BMP5: variants seen among roughly 807,000 people sequenced by gnomAD.
BMP5 encodes bone morphogenetic protein 5.
In BMP5, 23 loss-of-function variants were observed where a neutral mutation model predicts 46.6. That is an observed-to-expected ratio of 0.49 (90% CI 0.35 to 0.70). The LOEUF is 0.70. Among genes scored for constraint, BMP5 ranks in the 30% least tolerant of loss-of-function variants. The pLI is 0.00. For missense variants in BMP5, 545 were observed against 565.6 expected (o/e 0.96, Z 0.37); for synonymous variants, 204 against 191.9 (o/e 1.06, Z -0.52).
At position 55,874,357 on chromosome 6, in the gene BMP5, A is replaced by C. The variant is rs774477417; in HGVS notation, c.490+19T>G. The C allele has an allele frequency of 6.2e-7, 1 of 1,612,716 alleles. No individual in the cohort carries two copies. The highest frequency in any genetic ancestry group is 2.2e-5 in the East Asian group (1 of 44,814). ...CCACTTTGTAATAACATAGATTAAC[A>C]AACAAATGAACAACATACCTAAGTT... is the stretch of plus-strand genomic sequence containing the variant. On this transcript the variant is annotated intron_variant, in intron 1 of 6. Coordinates refer to ENST00000370830, the MANE Select transcript of BMP5 (RefSeq NM_021073.4).
chr6:55,808,347 G>C (rs901543284), intron 2 of BMP5, among the ~76,000 whole-genome samples: 1 of 152,164 alleles, frequency 6.6e-6, no homozygotes, highest in Non-Finnish European at 1.5e-5. Context: ...CTAAGGAAAA[G>C]CACAGCCTGG....
intron 2 of BMP5, among the ~76,000 whole-genome samples, chr6:55,802,512 C>T (rs1775873349): frequency 6.6e-6 from 1 of 151,864 alleles, no homozygotes; most frequent in Non-Finnish European, 1.5e-5. Context: ...ATGGCCCAGA[C>T]ACTTCAACAA....
intron 4 of BMP5, 120 bp downstream of exon 4, chr6:55,773,929 G>A: frequency 9.1e-7 from 1 of 1,101,332 alleles, no homozygotes; most frequent in Non-Finnish European, 1.4e-6. Flanking sequence ...AAACATCACT[G>A]GAAGATTTAA....
intron 4 of BMP5, among the ~76,000 whole-genome samples, chr6:55,763,313 A>G (rs1190625366): frequency 2.0e-5 from 3 of 152,172 alleles, no homozygotes; most frequent in African/African-American, 7.2e-5. Context: ...TGTTCCATAT[A>G]TATGTCTTTT....
intron 1 of BMP5, among the ~76,000 whole-genome samples, chr6:55,829,474 T>C (rs747934033): frequency 5.9e-4 from 90 of 151,630 alleles, no homozygotes; most frequent in Non-Finnish European, 1.2e-3. Flanking sequence ...TGCCACAAAA[T>C]AGTATTAATA....
At chr6:55,837,858 G>T in intron 1 of BMP5, among the ~76,000 whole-genome samples, 1 of 152,098 alleles carries the variant, frequency 6.6e-6, no homozygotes, top group South Asian at 2.1e-4. Flanking sequence ...ATCTATGTCC[G>T]TGAGTTCAAT....
chr6:55,874,801 A>G lies in BMP5; in HGVS notation c.65T>C (p.Val22Ala), dbSNP rs879626914. 6.2e-6 allele frequency: 10 copies of G among 1,613,104 alleles called. No homozygotes were observed. Among genetic ancestry groups the G allele is most frequent in the East Asian group, 2.2e-5 (1 of 44,840 alleles). The change falls in exon 1 of 7, where the codon GTG (valine) becomes GCG (alanine). Residue 22 changes from valine to alanine, a missense_variant. Val to Ala is a moderately conservative substitution (Grantham distance 64). Coordinates refer to ENST00000370830, the MANE Select transcript of BMP5 (RefSeq NM_021073.4). ...TCCCAAACCTCCTTTTGCATAACCC[A>G]CTAGAACCCAGCAGCTCCAGAGGAA... is the stretch of plus-strand genomic sequence containing the variant. ...VGFLWSCWVL[V>A]GYAKGGLGDN...
At chr6:55,827,344 T>C (rs1292395402) in intron 1 of BMP5, among the ~76,000 whole-genome samples, 2 of 151,702 alleles carry the variant, frequency 1.3e-5, no homozygotes, top group South Asian at 2.1e-4. Flanking sequence ...TTCTAGAAGC[T>C]AGATGTCATT....
At chr6:55,790,059 T>C (rs1775540032) in intron 3 of BMP5, among the ~76,000 whole-genome samples, 1 of 152,170 alleles carries the variant, frequency 6.6e-6, no homozygotes, top group Non-Finnish European at 1.5e-5. Context: ...CTTTTTGGTA[T>C]TTTTTCTTCA....
intron 1 of BMP5, among the ~76,000 whole-genome samples, chr6:55,846,218 A>C (rs1417798569): frequency 6.6e-6 from 1 of 152,066 alleles, no homozygotes; most frequent in Non-Finnish European, 1.5e-5. Context: ...TTCAACTTGG[A>C]GAGCAAAGCA....
intron 1 of BMP5, among the ~76,000 whole-genome samples, chr6:55,833,649 G>T (rs1275363701): frequency 1.3e-5 from 2 of 152,224 alleles, no homozygotes; most frequent in Admixed American, 6.5e-5. Context: ...GGCTAAAAAA[G>T]CTCATTAATA....
chr6:55,835,193 C>G (rs189391776), intron 1 of BMP5, among the ~76,000 whole-genome samples: 1 of 152,142 alleles, frequency 6.6e-6, no homozygotes, highest in African/African-American at 2.4e-5. Flanking sequence ...AAAATATTTA[C>G]CTTATTTTTC....
At chr6:55,851,973 TTAGAAGGAAATTGTATTA>T (rs1777256671) in intron 1 of BMP5, among the ~76,000 whole-genome samples, 1 of 152,150 alleles carries the variant, frequency 6.6e-6, no homozygotes, top group Non-Finnish European at 1.5e-5. Context: ...TTCAGTAAAT[TTAGAAGGAAATTGTATTA>T]GCCCAAATTT....
intron 3 of BMP5, among the ~76,000 whole-genome samples, chr6:55,777,072 G>A (rs1775192765): frequency 6.6e-6 from 1 of 151,864 alleles, no homozygotes; most frequent in Admixed American, 6.6e-5. Context: ...CAGCAATGGA[G>A]TGACTATTAA....
chr6:55,761,713 C>T lies in BMP5; in HGVS notation c.1028-1180G>A, dbSNP rs79577658. Among the ~76,000 whole-genome samples, 787 of 152,234 alleles carry T rather than the reference C, an allele frequency of 5.2e-3. 9 individuals carry two copies. Among genetic ancestry groups the T allele is most frequent in the African/African-American group, 0.018 (729 of 41,564 alleles). ...ATATTGCAACTCTCACCCTGATACA[C>T]CTGATTTCTCTCACTCTGTTCTGAT... On this transcript the variant is annotated intron_variant, in intron 4 of 6. Coordinates refer to ENST00000370830, the MANE Select transcript of BMP5 (RefSeq NM_021073.4).
In BMP5 at chr6:55,866,421, C is replaced by T. The variant is rs544984249; in HGVS notation, c.490+7955G>A. On this transcript the variant is annotated intron_variant, in intron 1 of 6. Coordinates refer to ENST00000370830, the MANE Select transcript of BMP5 (RefSeq NM_021073.4). ...ATAATCCCTATCTACCTCATTCTAA[C>T]ATTATTTATGCCTGCAACATTAACT... 6.6e-5 allele frequency among the ~76,000 whole-genome samples: 10 copies of T among 152,284 alleles called. No homozygotes were observed. In the South Asian group the frequency reaches 2.1e-3, roughly 32 times the overall value.
rs1419692980 is a variant in BMP5, at chr6:55,817,238, T to C, written c.683+2417A>G. On this transcript the variant is annotated intron_variant, in intron 2 of 6. Coordinates refer to ENST00000370830, the MANE Select transcript of BMP5 (RefSeq NM_021073.4). ...CTAGAAATACCATTTGACCCAGCCA[T>C]CCCATTACTGGGCATATACCCAAAG... Among the ~76,000 whole-genome samples the C allele has an allele frequency of 4.6e-5, 7 of 152,286 alleles. No homozygotes were observed. In the South Asian group the frequency reaches 1.4e-3, roughly 32 times the overall value.
chr6:55,758,634 G>A (rs1423385248), intron 6 of BMP5, among the ~76,000 whole-genome samples: 1 of 151,866 alleles, frequency 6.6e-6, no homozygotes, highest in Non-Finnish European at 1.5e-5. Flanking sequence ...ACCCTCAGAT[G>A]AAATTTAGTA....
intron 1 of BMP5, among the ~76,000 whole-genome samples, chr6:55,854,780 A>C (rs1485673428): frequency 6.6e-6 from 1 of 152,134 alleles, no homozygotes; most frequent in African/African-American, 2.4e-5. Context: ...ATAAAGACAA[A>C]TGACTCTTTT....
Sources: allele counts gnomAD v4.1 joint callset (sites outside exome capture counted in the v4.1 genomes callset), GRCh38; gene constraint gnomAD v4.1.1; transcripts MANE v1.5; gene names NCBI Gene and HGNC (gene_info 2026-07-23, HGNC 2026-07-21).